Variants in OPCML observed in about 807,000 individuals in gnomAD.
OPCML encodes opioid-binding protein/cell adhesion molecule.
In OPCML, 13 loss-of-function variants were observed where a neutral mutation model predicts 37.8. The ratio of observed to expected loss-of-function variants is 0.34; its 90% CI spans 0.22 to 0.55. The LOEUF (loss-of-function observed/expected upper bound fraction) is 0.55. OPCML is among the 20% of genes least tolerant of loss of function. The probability of loss-of-function intolerance (pLI) is 0.91; values close to 1 mark genes in which losing one functional copy is unlikely to be tolerated. For missense variants in OPCML, 341 were observed against 435.6 expected, an observed-to-expected ratio of 0.78 and a Z score of 1.93; for synonymous variants, 176 against 168.8, an observed-to-expected ratio of 1.04 and a Z score of -0.33.
intron 1 of OPCML, among the ~76,000 whole-genome samples, chr11:133,441,177 T>C (rs1946358600): frequency 6.6e-6 from 1 of 151,990 alleles, no homozygotes; most frequent in Admixed American, 6.6e-5. Flanking sequence ...TCCAGGTCTA[T>C]GCCTCTCTTT....
At chr11:132,437,004 G>T (rs751220160) in intron 5 of OPCML, 112 of 874,872 alleles carry the variant, frequency 1.3e-4, no homozygotes, top group Non-Finnish European at 1.5e-4. Context: ...CCCATTCTCA[G>T]TTAACAATTC....
chr11:132,943,465 C>T lies in OPCML; in HGVS notation c.62-455G>A, dbSNP rs1467939882. 2.9e-5 allele frequency: 9 copies of T among 312,654 alleles called. No individual in the cohort carries two copies. The Admixed American group carries it at 3.7e-4, about 13-fold the overall frequency. The allele number at this position is 312,654 out of a possible 1,614,324, so 19.4% of individuals were successfully genotyped here. ...GACGCTACTTTAAGATTCAGTTGGG[C>T]ACGTTCTGCAGAGCTCTGGCATCAA... is the stretch of plus-strand genomic sequence containing the variant. On this transcript the variant is annotated intron_variant, in intron 1 of 7. Transcript: ENST00000524381. The surrounding 1 kb of genome is among the most constrained non-coding windows in gnomAD (Gnocchi z 4.3).
intron 1 of OPCML, among the ~76,000 whole-genome samples, chr11:133,057,359 T>A (rs7107891): frequency 1.2e-3 from 186 of 152,116 alleles, no homozygotes; most frequent in Middle Eastern, 3.4e-3. Context: ...CTGGATTTGG[T>A]GCCCACTCCC....
chr11:133,046,967 G>A lies in OPCML; in HGVS notation c.62-103957C>T, dbSNP rs544523454. Reference sequence around the variant, plus strand: ...TTTACAATTTTTTTTTTTTTCAAAAGCCATTTTAAAGTGCCCTGCTGGGAA... The same window carrying A: ...TTTACAATTTTTTTTTTTTTCAAAAACCATTTTAAAGTGCCCTGCTGGGAA... On this transcript the variant is annotated intron_variant, in intron 1 of 7. Transcript: ENST00000524381. Among the ~76,000 whole-genome samples the A allele has an allele frequency of 6.0e-5, 9 of 150,916 alleles. No individual in the cohort carries two copies. The South Asian group carries it at 1.9e-3, about 32-fold the overall frequency.
chr11:132,421,184 C>T (rs987392021), intron 7 of OPCML, among the ~76,000 whole-genome samples: 1 of 152,188 alleles, frequency 6.6e-6, no homozygotes, highest in Admixed American at 6.5e-5. Flanking sequence ...GGTGTTCCTC[C>T]ATCACCTTTA....
intron 2 of OPCML, among the ~76,000 whole-genome samples, chr11:132,752,262 A>T (rs1034627286): frequency 1.4e-3 from 160 of 115,196 alleles, no homozygotes; most frequent in African/African-American, 5.7e-3. Flanking sequence ...TAAAATAAAT[A>T]AAAAAAAAAA....
chr11:132,979,689 ACATCT>A (rs1946542846), intron 1 of OPCML, among the ~76,000 whole-genome samples: 1 of 152,246 alleles, frequency 6.6e-6, no homozygotes, highest in Non-Finnish European at 1.5e-5. Context: ...ATGTTGCTTA[ACATCT>A]CAACACTCAA....
At chr11:132,932,132 T>C (rs996372704) in intron 2 of OPCML, among the ~76,000 whole-genome samples, 5 of 152,064 alleles carry the variant, frequency 3.3e-5, no homozygotes, top group African/African-American at 1.2e-4. Context: ...AATAGAATAG[T>C]AGTTTCCAGA....
chr11:133,275,392 G>A (rs1447873769), intron 1 of OPCML, among the ~76,000 whole-genome samples: 1 of 152,090 alleles, frequency 6.6e-6, no homozygotes, highest in African/African-American at 2.4e-5. Flanking sequence ...AACTAAGGGT[G>A]CATTTTAATT....
At chr11:132,960,936 C>T (rs1946079793) in intron 1 of OPCML, among the ~76,000 whole-genome samples, 1 of 152,112 alleles carries the variant, frequency 6.6e-6, no homozygotes, top group African/African-American at 2.4e-5. Flanking sequence ...GAGGACACAG[C>T]GGGGCTGAGG....
chr11:133,484,042 ATAGATAG>A (rs1565659977), intron 1 of OPCML, among the ~76,000 whole-genome samples: 2 of 119,500 alleles, frequency 1.7e-5, no homozygotes, highest in African/African-American at 6.4e-5. Flanking sequence ...AGATAGATAG[ATAGATAG>A]ATAGATAGAT....
chr11:132,947,511 G>A (rs533600916), intron 1 of OPCML, among the ~76,000 whole-genome samples: 1 of 152,302 alleles, frequency 6.6e-6, no homozygotes, highest in South Asian at 2.1e-4. Flanking sequence ...AGAAATGACT[G>A]CAAAGGTCTC....
chr11:133,213,370 C>A (rs918406368), intron 1 of OPCML, among the ~76,000 whole-genome samples: 1 of 151,974 alleles, frequency 6.6e-6, no homozygotes, highest in Non-Finnish European at 1.5e-5. Context: ...CATACATAAC[C>A]TCATTGCATA....
intron 4 of OPCML, among the ~76,000 whole-genome samples, chr11:132,490,263 G>A (rs1012666780): frequency 6.6e-6 from 1 of 151,774 alleles, no homozygotes; most frequent in Non-Finnish European, 1.5e-5. Flanking sequence ...CTTGAAAATA[G>A]AAACTGCATC....
In OPCML at chr11:132,671,300, T is replaced by C. The variant is rs7942048; in HGVS notation, c.147-13981A>G. Among the ~76,000 whole-genome samples the C allele has an allele frequency of 4.1e-3, 630 of 152,268 alleles. 8 individuals are homozygous for C. The highest frequency in any genetic ancestry group is 0.014 in the African/African-American group (582 of 41,542). On this transcript the variant is annotated intron_variant, in intron 2 of 7. Transcript: ENST00000524381. ...ATAGTGGCTTATTTTATACAGATTA[T>C]GCGAACTGTCTCTCCTAAAAAATAA...
chr11:132,889,499 T>C (rs974088275), intron 2 of OPCML, among the ~76,000 whole-genome samples: 2 of 152,224 alleles, frequency 1.3e-5, no homozygotes, highest in Admixed American at 1.3e-4. Context: ...GCATCTCTCA[T>C]CTCATTAGAA....
rs191189870 is a variant in OPCML, at chr11:132,787,199, C to T, written c.147-129880G>A. Among the ~76,000 whole-genome samples the T allele has an allele frequency of 9.1e-4, 138 of 152,310 alleles. 1 individual carries two copies. Among genetic ancestry groups the T allele is most frequent in the African/African-American group, 3.1e-3 (127 of 41,578 alleles). On this transcript the variant is annotated intron_variant, in intron 2 of 7. Transcript: ENST00000524381. ...TGGAAACTGGGAAGATGTACTCTAG[C>T]ATCCACTGTGTAATAATCAGATTGC... is the stretch of plus-strand genomic sequence containing the variant.
chr11:133,140,925 C>T (rs1261649702), intron 1 of OPCML, among the ~76,000 whole-genome samples: 1 of 5,166 alleles, frequency 1.9e-4, no homozygotes. Flanking sequence ...AAGAAGACGA[C>T]GACGACGAAG....
At chr11:133,365,066 A>G (rs2136732531) in intron 1 of OPCML, among the ~76,000 whole-genome samples, 1 of 151,758 alleles carries the variant, frequency 6.6e-6, no homozygotes, top group South Asian at 2.1e-4. Flanking sequence ...ACACACACAC[A>G]CACACACACA....
Sources: gnomAD v4.1 joint callset for allele counts (sites outside exome capture counted in the v4.1 genomes callset) on GRCh38, gnomAD v4.1.1 for gene constraint, Gnocchi (gnomAD v3.1) non-coding constraint, MANE v1.5 for transcripts, NCBI Gene and HGNC (gene_info 2026-07-23, HGNC 2026-07-21) for gene names.